The following EEFSEC variants were observed in gnomAD, a reference collection of about 807,000 sequenced individuals.
EEFSEC encodes selenocysteine-specific elongation factor.
In EEFSEC, 43 loss-of-function variants were observed where a neutral mutation model predicts 42.1. The observed-to-expected ratio is 1.02, with a 90% CI of 0.80 to 1.32. EEFSEC has a LOEUF of 1.32. EEFSEC is among the 40% of genes most tolerant of loss of function. The probability of loss-of-function intolerance (pLI) is 0.00; values close to 1 mark genes in which losing one functional copy is unlikely to be tolerated. For synonymous variants in EEFSEC, 354 were observed against 339.1 expected (o/e 1.04, Z -0.48); for missense variants, 745 against 803.6 (o/e 0.93, Z 0.88).
rs189016257 is a variant in EEFSEC at position 128,160,801 on chromosome 3, C to A, written c.316+6978C>A. On this transcript the variant is annotated intron_variant, in intron 1 of 6. Transcript: ENST00000254730. ...TAATTCCACTGTGTGCGCACACACA[C>A]GCGCGCACACACACACACACACACG... Among the ~76,000 whole-genome samples the A allele has an allele frequency of 2.9e-4, 44 of 152,048 alleles. No individual in the cohort carries two copies. In the East Asian group the frequency reaches 7.3e-3, roughly 25 times the overall value.
At chr3:128,395,615 G>T (rs565634098) in intron 6 of EEFSEC, among the ~76,000 whole-genome samples, 1 of 152,338 alleles carries the variant, frequency 6.6e-6, no homozygotes, top group East Asian at 1.9e-4. Context: ...CTTCCTCCCA[G>T]CAGAGTGGGA....
In EEFSEC at chr3:128,253,555, T is replaced by G. The variant is rs537140343; in HGVS notation, c.524+6512T>G. ...GCAGGTCGCAGAGAAGTCTGAGTTC[T>G]TTTCCTGCCTTTCCCATTTTCTCTC... On this transcript the variant is annotated intron_variant, in intron 2 of 6. Coordinates refer to ENST00000254730, the MANE Select transcript of EEFSEC (RefSeq NM_021937.5). 2.0e-5 allele frequency among the ~76,000 whole-genome samples: 3 copies of G among 152,326 alleles called. No individual in the cohort carries two copies. In the East Asian group the frequency reaches 5.8e-4, roughly 29 times the overall value.
intron 2 of EEFSEC, 98 bp from the exon 3 acceptor site, chr3:128,262,030 C>T: frequency 1.9e-6 from 2 of 1,073,700 alleles, no homozygotes; most frequent in Non-Finnish European, 2.8e-6. Context: ...GAAGAGGATG[C>T]TCACTGCACT....
intron 1 of EEFSEC, among the ~76,000 whole-genome samples, chr3:128,206,314 T>C (rs2065696101): frequency 6.6e-6 from 1 of 152,192 alleles, no homozygotes; most frequent in African/African-American, 2.4e-5. Flanking sequence ...GAGCTCCTCT[T>C]TGTGCTTGGC....
At chr3:128,215,803 G>T (rs2065804882) in intron 1 of EEFSEC, among the ~76,000 whole-genome samples, 1 of 152,100 alleles carries the variant, frequency 6.6e-6, no homozygotes, top group African/African-American at 2.4e-5. Context: ...GCTCCTGTGA[G>T]ATTGCAGAGC....
chr3:128,182,901 G>T (rs1329054743), intron 1 of EEFSEC, among the ~76,000 whole-genome samples: 1 of 148,322 alleles, frequency 6.7e-6, no homozygotes, highest in Non-Finnish European at 1.5e-5. Flanking sequence ...TGGGGTGGTT[G>T]GTCTAGTAGT....
chr3:128,180,639 C>T (rs1180922142), intron 1 of EEFSEC, among the ~76,000 whole-genome samples: 2 of 152,200 alleles, frequency 1.3e-5, no homozygotes, highest in East Asian at 3.9e-4. Context: ...CATTGAGTTG[C>T]AGCTTCCTCT....
chr3:128,323,347 C>G (rs1190795159), intron 4 of EEFSEC, among the ~76,000 whole-genome samples: 2 of 152,152 alleles, frequency 1.3e-5, no homozygotes, highest in South Asian at 2.1e-4. Context: ...TTTCTCCAGG[C>G]GGATTCCCTG....
intron 1 of EEFSEC, among the ~76,000 whole-genome samples, chr3:128,235,910 ACTAT>A (rs2066004339): frequency 1.3e-5 from 2 of 152,118 alleles, no homozygotes; most frequent in East Asian, 3.9e-4. Context: ...GACAGGCAGG[ACTAT>A]CTGTCTCCCC....
chr3:128,358,496 G>C, intron 6 of EEFSEC, 123 bp downstream of exon 6: 2 of 1,405,872 alleles, frequency 1.4e-6, no homozygotes, highest in Non-Finnish European at 1.9e-6. Flanking sequence ...CGAGACACGG[G>C]GTGACTTGGC....
At chr3:128,216,618 G>GT (rs2065813238) in intron 1 of EEFSEC, among the ~76,000 whole-genome samples, 7 of 152,118 alleles carry the variant, frequency 4.6e-5, no homozygotes, top group Non-Finnish European at 1.0e-4. Context: ...CTGATGGCTG[G>GT]CCGTACATGG....
Position 128,341,531 on chromosome 3 carries a change from C to T in EEFSEC, c.1085C>T (p.Pro362Leu). 6.2e-7 allele frequency: 1 copy of T among 1,614,100 alleles called. No homozygotes were observed. Among genetic ancestry groups the T allele is most frequent in the East Asian group, 2.2e-5 (1 of 44,892 alleles). ...SPAPDNFDQE[P>L]ILDSFNFSQE... Reference sequence around the variant, plus strand: ...GCTCCAGATAACTTTGACCAGGAGCCTATACTGGACTCTTTCAACTTCTCT... The same window carrying T: ...GCTCCAGATAACTTTGACCAGGAGCTTATACTGGACTCTTTCAACTTCTCT... Residue 362 changes from proline (P) to leucine (L), a missense_variant, in exon 5 of 7, where the codon CCT becomes CTT. Pro to Leu is a moderately conservative substitution (Grantham distance 98). Coordinates refer to ENST00000254730, the MANE Select transcript of EEFSEC (RefSeq NM_021937.5).
intron 2 of EEFSEC, among the ~76,000 whole-genome samples, chr3:128,253,536 C>T (rs529678490): frequency 6.6e-6 from 1 of 152,288 alleles, no homozygotes; most frequent in South Asian, 2.1e-4. Context: ...CAGAGCAGGT[C>T]GCAGAGAAGT....
intron 5 of EEFSEC, among the ~76,000 whole-genome samples, chr3:128,346,834 C>T (rs893202752): frequency 5.9e-5 from 9 of 152,084 alleles, no homozygotes; most frequent in Non-Finnish European, 1.2e-4. Flanking sequence ...TTGTTGTGAA[C>T]ATTGAAATTT....
chr3:128,378,805 C>T (rs575404973), intron 6 of EEFSEC, among the ~76,000 whole-genome samples: 4 of 152,308 alleles, frequency 2.6e-5, no homozygotes, highest in South Asian at 2.1e-4. Flanking sequence ...ATCCCACTCC[C>T]GTCCCACAGG....
intron 4 of EEFSEC, among the ~76,000 whole-genome samples, chr3:128,328,556 G>A (rs2067090659): frequency 6.6e-6 from 1 of 152,228 alleles, no homozygotes; most frequent in African/African-American, 2.4e-5. Context: ...TTTCTTGTCT[G>A]TAAGGCTAAA....
At chr3:128,307,770 T>C (rs1372261379) in intron 4 of EEFSEC, among the ~76,000 whole-genome samples, 2 of 152,222 alleles carry the variant, frequency 1.3e-5, no homozygotes, top group African/African-American at 4.8e-5. Context: ...TACTTTCACC[T>C]GTGTGAGTGG....
chr3:128,361,516 C>T (rs2067525262), intron 6 of EEFSEC, among the ~76,000 whole-genome samples: 1 of 152,208 alleles, frequency 6.6e-6, no homozygotes, highest in Non-Finnish European at 1.5e-5. Flanking sequence ...ACACTTGGCC[C>T]TCAGGTTCAC....
chr3:128,226,660 C>T (rs2107857366), intron 1 of EEFSEC, among the ~76,000 whole-genome samples: 1 of 152,320 alleles, frequency 6.6e-6, no homozygotes, highest in Middle Eastern at 3.4e-3. Flanking sequence ...TTAACTTTTA[C>T]ATACTTCACT....
Sources: gnomAD v4.1 joint callset for allele counts (sites outside exome capture counted in the v4.1 genomes callset) on GRCh38, gnomAD v4.1.1 for gene constraint, MANE v1.5 for transcripts, NCBI Gene and HGNC (gene_info 2026-07-23, HGNC 2026-07-21) for gene names.